HOOK3: variants seen among roughly 807,000 people sequenced by gnomAD.
The protein encoded by HOOK3 is protein Hook homolog 3.
Under a neutral mutation model 116.3 loss-of-function variants are expected in HOOK3, and 24 were observed. The ratio of observed to expected loss-of-function variants is 0.21; its 90% confidence interval spans 0.15 to 0.29. HOOK3 has a LOEUF of 0.29. Among genes scored for constraint, HOOK3 ranks in the 10% least tolerant of loss-of-function variants. The pLI is 1.00. For synonymous variants in HOOK3, 275 were observed against 283.0 expected (o/e 0.97, Z 0.28); for missense variants, 632 against 830.2 (o/e 0.76, Z 2.93).
intron 7 of HOOK3, among the ~76,000 whole-genome samples, chr8:42,958,596 G>GTTTT (rs71550434): frequency 8.5e-5 from 9 of 106,350 alleles, no homozygotes; most frequent in East Asian, 2.8e-4. Context: ...GTTTTTGATA[G>GTTTT]TTTTTTTTTT....
intron 2 of HOOK3, among the ~76,000 whole-genome samples, chr8:42,919,608 T>C (rs995423355): frequency 1.3e-5 from 2 of 151,948 alleles, no homozygotes; most frequent in Non-Finnish European, 2.9e-5. Context: ...GAGGTGGAGG[T>C]TGTAGCCAGC....
At chr8:42,960,935 C>T (rs188186477) in intron 8 of HOOK3, among the ~76,000 whole-genome samples, 17 of 152,300 alleles carry the variant, frequency 1.1e-4, no homozygotes, top group East Asian at 3.9e-4. Flanking sequence ...AATTGGCTCA[C>T]GGTTCTGCAG....
At chr8:42,974,518 C>T (rs1475149368) in intron 13 of HOOK3, among the ~76,000 whole-genome samples, 2 of 152,000 alleles carry the variant, frequency 1.3e-5, no homozygotes, top group African/African-American at 4.8e-5. Flanking sequence ...GGATTATAGG[C>T]GTGAGCCACC....
At chr8:42,941,517 CAAAAAAA>C (rs960451235) in intron 4 of HOOK3, among the ~76,000 whole-genome samples, 143 of 44,062 alleles carry the variant, frequency 3.2e-3, no homozygotes, top group African/African-American at 0.012. Flanking sequence ...GACTCCGTCT[CAAAAAAA>C]AAAAAAAAAA....
At chr8:42,929,415 C>T (rs1201254621) in intron 3 of HOOK3, among the ~76,000 whole-genome samples, 1 of 152,174 alleles carries the variant, frequency 6.6e-6, no homozygotes, top group African/African-American at 2.4e-5. Context: ...GTCTCAACTA[C>T]AGACACCACC....
Position 42,930,022 on chromosome 8 carries a change from G to T in HOOK3, c.217-100G>T, listed in dbSNP as rs1807844205. The T allele has an allele frequency of 2.2e-5, 22 of 983,906 alleles. No individual in the cohort carries two copies. The South Asian group carries it at 3.4e-4, about 15-fold the overall frequency. 60.9% of individuals were successfully genotyped at this position (983,906 alleles called of 1,614,324 possible). Reference sequence around the variant, plus strand: ...TTTTATTTGTTAATATTTACTTTATGATTAACTGCAGTGATTGGTTGGCTC... The same window carrying T: ...TTTTATTTGTTAATATTTACTTTATTATTAACTGCAGTGATTGGTTGGCTC... On this transcript the variant is annotated intron_variant, in intron 3 of 21. Coordinates refer to ENST00000307602, the MANE Select transcript of HOOK3 (RefSeq NM_032410.4).
intron 1 of HOOK3, among the ~76,000 whole-genome samples, chr8:42,905,336 GTGCC>G (rs1807284797): frequency 7.7e-6 from 1 of 129,458 alleles, no homozygotes; most frequent in African/African-American, 3.2e-5. Context: ...GGGGGGGGGG[GTGCC>G]GTGGTGGAGG....
chr8:42,995,049 A>G (rs1404947849), intron 15 of HOOK3, among the ~76,000 whole-genome samples: 3 of 152,234 alleles, frequency 2.0e-5, no homozygotes, highest in South Asian at 2.1e-4. Flanking sequence ...GTGTCCCCAT[A>G]TTGAATGTGG....
At chr8:43,000,420 C>T in intron 16 of HOOK3, 1 of 419,482 alleles carries the variant, frequency 2.4e-6, no homozygotes, top group Non-Finnish European at 4.4e-6. Context: ...GGTTTAAGAC[C>T]TTTACAATTA....
intron 10 of HOOK3, 56 bp downstream of exon 10, chr8:42,966,669 A>G (rs1324372794): frequency 6.4e-7 from 1 of 1,562,200 alleles, no homozygotes; most frequent in Non-Finnish European, 8.7e-7. Context: ...TAGAAACTCT[A>G]GGGTTTCTGA....
At chr8:42,947,295 T>C (rs886665041) in intron 5 of HOOK3, among the ~76,000 whole-genome samples, 1 of 152,226 alleles carries the variant, frequency 6.6e-6, no homozygotes, top group Non-Finnish European at 1.5e-5. Flanking sequence ...TTGATTGATA[T>C]CAGATAATAA....
At chr8:43,014,088 C>G (rs1194479364) in intron 21 of HOOK3, among the ~76,000 whole-genome samples, 1 of 151,958 alleles carries the variant, frequency 6.6e-6, no homozygotes, top group Non-Finnish European at 1.5e-5. Flanking sequence ...AAGTTTGAGA[C>G]CAGCCTGGAC....
chr8:42,946,924 C>A (rs1426093498), intron 5 of HOOK3, among the ~76,000 whole-genome samples: 2 of 151,856 alleles, frequency 1.3e-5, no homozygotes, highest in African/African-American at 4.8e-5. Flanking sequence ...GCACGTGCCA[C>A]CACGCCCGGC....
At chr8:42,982,400 G>A (rs981818729) in intron 13 of HOOK3, among the ~76,000 whole-genome samples, 1 of 151,380 alleles carries the variant, frequency 6.6e-6, no homozygotes, top group Non-Finnish European at 1.5e-5. Context: ...TAGTAGTGAT[G>A]GTTACACAAC....
chr8:42,906,295 T>C (rs761755777), intron 2 of HOOK3, 37 bp downstream of exon 2: 7 of 1,339,258 alleles, frequency 5.2e-6, no homozygotes, highest in Non-Finnish European at 6.4e-6. Flanking sequence ...TGTATTCTTA[T>C]GCATGGATAT....
chr8:42,973,317 A>T lies in HOOK3; in HGVS notation c.1151A>T (p.Glu384Val). 2 of 1,612,268 alleles carry T rather than the reference A, an allele frequency of 1.2e-6. No individual in the cohort carries two copies. Among genetic ancestry groups the T allele is most frequent in the Non-Finnish European group, 1.7e-6 (2 of 1,179,438 alleles). The change falls in exon 12 of 22, where the codon GAA becomes GTA. Residue 384 changes from glutamate to valine, a missense_variant. By Grantham distance (121) the Glu-to-Val change is moderately radical. This residue lies in a region of HOOK3 where 483 missense variants were observed against 648.1 expected (regional missense o/e 0.75). Transcript: ENST00000307602. ...QVVELQNRLS[E>V]ESKKADKLDF... ...GTAGAACTACAAAACAGATTATCCG[A>T]AGAATCAAAGAAAGCAGATAAACTA...
At chr8:42,973,507 G>T (rs926589762) in intron 12 of HOOK3, 108 bp downstream of exon 12, 2 of 689,882 alleles carry the variant, frequency 2.9e-6, no homozygotes, top group African/African-American at 3.6e-5. Flanking sequence ...TTAAAAATTA[G>T]AAATCCTATT....
chr8:42,906,126 G>T, intron 1 of HOOK3, 47 bp from the exon 2 acceptor site: 2 of 939,242 alleles, frequency 2.1e-6, no homozygotes, highest in Non-Finnish European at 3.3e-6. Context: ...ATTTTCTACA[G>T]AGGTAACCAC....
chr8:42,913,773 A>G (rs180703106), intron 2 of HOOK3, among the ~76,000 whole-genome samples: 93 of 152,290 alleles, frequency 6.1e-4, no homozygotes, highest in African/African-American at 2.0e-3. Context: ...CCACAGTCTC[A>G]CCAACACTTG....
Sources: gnomAD v4.1 joint callset for allele counts (sites outside exome capture counted in the v4.1 genomes callset) on GRCh38, gnomAD v4.1.1 for gene constraint, gnomAD v4.1.1 regional missense constraint, MANE v1.5 for transcripts, NCBI Gene and HGNC (gene_info 2026-07-23, HGNC 2026-07-21) for gene names.